The following ADAMTS2 variants were observed in gnomAD, a reference collection of about 807,000 sequenced individuals.
ADAMTS2 encodes ADAM metallopeptidase with thrombospondin type 1 motif 2.
Under a neutral mutation model 123.0 loss-of-function variants are expected in ADAMTS2, and 50 were observed. The ratio of observed to expected loss-of-function variants is 0.41; its 90% CI spans 0.32 to 0.51. ADAMTS2 has a LOEUF of 0.51. Among genes scored for constraint, ADAMTS2 ranks in the 20% least tolerant of loss-of-function variants. ADAMTS2 has a pLI of 0.35. For synonymous variants in ADAMTS2, 678 were observed against 695.4 expected (o/e 0.98, Z 0.39); for missense variants, 1,494 against 1,705.2 (o/e 0.88, Z 2.18).
In ADAMTS2 at chr5:179,312,859, G is replaced by A. The variant is rs756518561; in HGVS notation, c.534+30908C>T. On this transcript the variant is annotated intron_variant, in intron 2 of 21. Transcript: ENST00000251582. The surrounding 1 kb of genome is among the most constrained non-coding windows in gnomAD (Gnocchi z 4.2). ...GAAACTGATTTCAGCCTCCAGAACC[G>A]TGAGAGGATACAATTCTAATGTTTC... Among the ~76,000 whole-genome samples the A allele has an allele frequency of 1.3e-5, 2 of 152,254 alleles. No homozygotes were observed. The highest frequency in any genetic ancestry group is 2.9e-5 in the Non-Finnish European group (2 of 68,050).
At chr5:179,248,528 T>A (rs1765853262) in intron 3 of ADAMTS2, among the ~76,000 whole-genome samples, 1 of 151,846 alleles carries the variant, frequency 6.6e-6, no homozygotes, top group Non-Finnish European at 1.5e-5. Flanking sequence ...ACAAATAGTT[T>A]GAAAATGAAA....
Position 179,314,426 on chromosome 5 carries a change from G to T in ADAMTS2, c.534+29341C>A, listed in dbSNP as rs928736982. 6.6e-6 allele frequency among the ~76,000 whole-genome samples: 1 copy of T among 151,930 alleles called. No homozygotes were observed. The highest frequency in any genetic ancestry group is 2.1e-4 in the South Asian group (1 of 4,790). The stretch of plus-strand genomic sequence containing the variant: ...GCCAGGCTCCTCCCCACCCCGTGGC[G>T]TGGCGTGGCGTGGCCGGAATACTCA... On this transcript the variant is annotated intron_variant, in intron 2 of 21. Coordinates refer to ENST00000251582, the MANE Select transcript of ADAMTS2 (RefSeq NM_014244.5). This position sits in a 1 kb window ranked among gnomAD's most constrained non-coding sequence, Gnocchi z 4.5.
At chr5:179,334,918 C>T (rs114986023) in intron 2 of ADAMTS2, among the ~76,000 whole-genome samples, 293 of 152,248 alleles carry the variant, frequency 1.9e-3, no homozygotes, top group African/African-American at 6.7e-3. Flanking sequence ...GGTACAACAT[C>T]AAAGCAGAAT....
intron 2 of ADAMTS2, among the ~76,000 whole-genome samples, chr5:179,282,842 G>A (rs1766954357): frequency 1.3e-5 from 2 of 152,154 alleles, no homozygotes; most frequent in South Asian, 4.1e-4. Context: ...TTGGGAGGCT[G>A]AGGCAGGCGG....
chr5:179,208,527 T>C (rs1273226562), intron 3 of ADAMTS2, among the ~76,000 whole-genome samples: 1 of 152,148 alleles, frequency 6.6e-6, no homozygotes, highest in Non-Finnish European at 1.5e-5. Flanking sequence ...CACTTGGGGC[T>C]GCCATCCTGG....
intron 3 of ADAMTS2, among the ~76,000 whole-genome samples, chr5:179,224,724 G>A (rs1159830303): frequency 6.6e-6 from 1 of 152,210 alleles, no homozygotes; most frequent in Admixed American, 6.5e-5. Context: ...TGAAGTCTCT[G>A]ATCTCTAAAT....
At chr5:179,249,630 G>A (rs918728140) in intron 3 of ADAMTS2, among the ~76,000 whole-genome samples, 2 of 152,112 alleles carry the variant, frequency 1.3e-5, no homozygotes, top group Middle Eastern at 6.8e-3. Context: ...AATTGTATAC[G>A]AACAAATTAA....
In ADAMTS2 at chr5:179,245,765, C is replaced by CAA. The variant is rs1171837041; in HGVS notation, c.688+27144_688+27145dup. ...TGGGCGACAGAGCGAGACTCCGTCTCAAAAAAAAAAAAAAAAAAAAAAAAA... is the reference window on the plus strand; with the variant it reads ...TGGGCGACAGAGCGAGACTCCGTCTCAAAAAAAAAAAAAAAAAAAAAAAAAAA... On this transcript the variant is annotated intron_variant, in intron 3 of 21. Coordinates refer to ENST00000251582, the MANE Select transcript of ADAMTS2 (RefSeq NM_014244.5). Among the ~76,000 whole-genome samples the CAA allele has an allele frequency of 6.7e-3, 115 of 17,202 alleles. 13 individuals carry two copies. Among genetic ancestry groups the CAA allele is most frequent in the East Asian group, 0.02 (8 of 394 alleles). 11.3% of individuals were successfully genotyped at this position (17,202 alleles called of 152,430 possible). A position where few individuals can be genotyped will look rare whatever the true frequency, so the allele number is the denominator to read the frequency against.
intron 3 of ADAMTS2, among the ~76,000 whole-genome samples, chr5:179,236,522 G>A (rs1045957648): frequency 2.6e-4 from 40 of 152,280 alleles, no homozygotes; most frequent in Middle Eastern, 3.4e-3. Context: ...TCTTTGCTGC[G>A]GCTCATGCCT....
In ADAMTS2 at chr5:179,312,148, C is replaced by T. The variant is rs1421353735; in HGVS notation, c.534+31619G>A. Among the ~76,000 whole-genome samples the T allele has an allele frequency of 6.6e-6, 1 of 152,202 alleles. No homozygotes were observed. Among genetic ancestry groups the T allele is most frequent in the Non-Finnish European group, 1.5e-5 (1 of 68,040 alleles). ...CGAAGACACGTCCGGGTCCCAATCC[C>T]TGGAACCCATAAATGTTACCTTCCA... On this transcript the variant is annotated intron_variant, in intron 2 of 21. Transcript: ENST00000251582. This position sits in a 1 kb window ranked among gnomAD's most constrained non-coding sequence, Gnocchi z 4.2.
At chr5:179,310,902 G>C (rs1445380001) in intron 2 of ADAMTS2, among the ~76,000 whole-genome samples, 1 of 152,026 alleles carries the variant, frequency 6.6e-6, no homozygotes, top group Non-Finnish European at 1.5e-5. Flanking sequence ...CATGGCCCAG[G>C]ACAGCAGCTC....
In ADAMTS2 at chr5:179,345,227, GGGCGGCGGC is replaced by G; in HGVS notation, c.93_101del (p.Pro32_Pro34del). The G allele has an allele frequency of 1.8e-6, 2 of 1,119,524 alleles. No individual in the cohort carries two copies. Among genetic ancestry groups the G allele is most frequent in the Non-Finnish European group, 2.2e-6 (2 of 918,726 alleles). 69.3% of individuals were successfully genotyped at this position (1,119,524 alleles called of 1,614,324 possible). On this transcript the variant is annotated inframe_deletion, in exon 1 of 22. Coordinates refer to ENST00000251582, the MANE Select transcript of ADAMTS2 (RefSeq NM_014244.5). The surrounding 1 kb of genome is among the most constrained non-coding windows in gnomAD (Gnocchi z 7.5). ...CGGCGGCGGCGAGCCTGGCGTTCGCGGGCGGCGGCGGCGGCGGCAGGAGCGGCGGCGGCA... is the reference window on the plus strand; with the variant it reads ...CGGCGGCGGCGAGCCTGGCGTTCGCGGGCGGCGGCAGGAGCGGCGGCGGCA...
intron 21 of ADAMTS2, among the ~76,000 whole-genome samples, chr5:179,119,674 G>A (rs368421843): frequency 4.6e-5 from 7 of 152,290 alleles, no homozygotes; most frequent in Middle Eastern, 3.4e-3. Context: ...CACCTGAGCC[G>A]GATGGGCACC....
chr5:179,318,218 A>G (rs985998441), intron 2 of ADAMTS2, among the ~76,000 whole-genome samples: 1 of 152,248 alleles, frequency 6.6e-6, no homozygotes, highest in African/African-American at 2.4e-5. Flanking sequence ...TCAGAGCTTA[A>G]CTAGCCCCTT....
chr5:179,306,667 G>A (rs892536257), intron 2 of ADAMTS2, among the ~76,000 whole-genome samples: 8 of 152,134 alleles, frequency 5.3e-5, no homozygotes, highest in African/African-American at 1.2e-4. Context: ...CCCAAAACCC[G>A]TGTTCCTGGG....
rs370350654 is a variant in ADAMTS2, at chr5:179,227,504, G to A, written c.689-19789C>T. Among the ~76,000 whole-genome samples, 11 of 152,274 alleles carry A rather than the reference G, an allele frequency of 7.2e-5. No individual in the cohort carries two copies. The East Asian group carries it at 7.7e-4, about 11-fold the overall frequency. On this transcript the variant is annotated intron_variant, in intron 3 of 21. Transcript: ENST00000251582. ...TTGGCCTGGCTCTGGGTGCTGGCAC[G>A]GCAGTATCTGGTGGGCTGCAGGGCC...
In ADAMTS2 at chr5:179,202,237, C is replaced by T. The variant is rs1006882402; in HGVS notation, c.891+5276G>A. 2.0e-5 allele frequency among the ~76,000 whole-genome samples: 3 copies of T among 152,100 alleles called. No homozygotes were observed. The highest frequency in any genetic ancestry group is 4.4e-5 in the Non-Finnish European group (3 of 68,016). Reference sequence around the variant, plus strand: ...CCCTGCTTGACAGGCCAGGCTGCCTCCATTCTTCCAGCCGGCCCCATTCCT... The same window carrying T: ...CCCTGCTTGACAGGCCAGGCTGCCTTCATTCTTCCAGCCGGCCCCATTCCT... On this transcript the variant is annotated intron_variant, in intron 4 of 21. Coordinates refer to ENST00000251582, the MANE Select transcript of ADAMTS2 (RefSeq NM_014244.5). This position sits in a 1 kb window ranked among gnomAD's most constrained non-coding sequence, Gnocchi z 4.0.
intron 3 of ADAMTS2, among the ~76,000 whole-genome samples, chr5:179,216,512 G>A (rs115958611): frequency 0.032 from 4,845 of 151,898 alleles, 116 homozygotes; most frequent in Non-Finnish European, 0.052. Flanking sequence ...TTCCGCTGCA[G>A]GTCCAGCGCG....
intron 2 of ADAMTS2, among the ~76,000 whole-genome samples, chr5:179,276,039 G>A (rs1766685502): frequency 6.6e-6 from 1 of 152,218 alleles, no homozygotes; most frequent in Non-Finnish European, 1.5e-5. Context: ...CAGCAGGGCT[G>A]TGGGAGGAGA....
Sources: allele counts gnomAD v4.1 joint callset (sites outside exome capture counted in the v4.1 genomes callset), GRCh38; gene constraint gnomAD v4.1.1; non-coding constraint Gnocchi (gnomAD v3.1); transcripts MANE v1.5; gene names NCBI Gene and HGNC (gene_info 2026-07-23, HGNC 2026-07-21).